Variants in TCF12 observed in about 807,000 individuals in gnomAD.
TCF12 encodes the protein transcription factor 12.
TCF12 carries 45 observed loss-of-function variants against 86.0 expected under a neutral mutation model. That is an observed-to-expected ratio of 0.52 (90% CI 0.41 to 0.67). The LOEUF is 0.67. Ranked by LOEUF, TCF12 falls within the 30% of genes least tolerant of loss-of-function variation. TCF12 has a pLI of 0.00. For missense variants in TCF12, 881 were observed against 859.9 expected (o/e 1.02, Z -0.31); for synonymous variants, 330 against 299.6 (o/e 1.10, Z -1.05).
chr15:56,956,974 G>A (rs2061528043), intron 3 of TCF12, among the ~76,000 whole-genome samples: 1 of 152,164 alleles, frequency 6.6e-6, no homozygotes, highest in Non-Finnish European at 1.5e-5. Context: ...ATGTTGAAAG[G>A]TGTGATGTTT....
chr15:56,937,106 A>T (rs1484699772), intron 3 of TCF12, among the ~76,000 whole-genome samples: 2 of 152,084 alleles, frequency 1.3e-5, no homozygotes, highest in East Asian at 3.8e-4. Flanking sequence ...TTCATCTGTG[A>T]GCATGGGTTG....
chr15:57,209,905 C>T (rs533580196), intron 8 of TCF12, among the ~76,000 whole-genome samples: 2 of 152,278 alleles, frequency 1.3e-5, no homozygotes, highest in Admixed American at 1.3e-4. Flanking sequence ...ACCTCAGGGC[C>T]TTTGCATTTG....
At chr15:57,228,451 C>T (rs1242861677) in intron 8 of TCF12, among the ~76,000 whole-genome samples, 1 of 151,798 alleles carries the variant, frequency 6.6e-6, no homozygotes, top group Non-Finnish European at 1.5e-5. Context: ...TAAGGTCTGT[C>T]CTTTAAAAGT....
chr15:57,094,871 A>G (rs887016664), intron 5 of TCF12, among the ~76,000 whole-genome samples: 4 of 152,206 alleles, frequency 2.6e-5, no homozygotes, highest in Admixed American at 6.5e-5. Context: ...GAAACAGTGG[A>G]TTATAAAGCA....
At chr15:57,050,863 A>T (rs1216367417) in intron 3 of TCF12, among the ~76,000 whole-genome samples, 2 of 152,028 alleles carry the variant, frequency 1.3e-5, no homozygotes, top group African/African-American at 4.8e-5. Context: ...TTCTTTTTTT[A>T]AATGGTTTTC....
intron 3 of TCF12, among the ~76,000 whole-genome samples, chr15:57,056,119 GTGTGT>G (rs2068005606): frequency 6.9e-5 from 4 of 57,676 alleles, no homozygotes; most frequent in South Asian, 1.4e-3. Flanking sequence ...TTTTAGGGGT[GTGTGT>G]GTGTGTGTGT....
chr15:57,276,270 A>G (rs2152111941), intron 19 of TCF12, among the ~76,000 whole-genome samples: 1 of 152,306 alleles, frequency 6.6e-6, no homozygotes, highest in Admixed American at 6.5e-5. Flanking sequence ...CTTTCCTCAA[A>G]CATTTCCAAA....
intron 5 of TCF12, among the ~76,000 whole-genome samples, chr15:57,156,351 A>G (rs1000357283): frequency 6.6e-6 from 1 of 152,200 alleles, no homozygotes. Flanking sequence ...GGTAAAAAAA[A>G]CTGAGGTCTA....
chr15:56,951,202 T>G (rs1241127629), intron 3 of TCF12, among the ~76,000 whole-genome samples: 1 of 152,212 alleles, frequency 6.6e-6, no homozygotes, highest in Non-Finnish European at 1.5e-5. Flanking sequence ...ATATACTTTC[T>G]AATGGTTTGT....
intron 5 of TCF12, among the ~76,000 whole-genome samples, chr15:57,121,202 C>A (rs1182250909): frequency 1.3e-5 from 2 of 152,138 alleles, no homozygotes; most frequent in African/African-American, 4.8e-5. Flanking sequence ...GAGGTTCTTT[C>A]GCTAGTCTAG....
intron 5 of TCF12, among the ~76,000 whole-genome samples, chr15:57,143,520 A>G (rs1176544130): frequency 6.6e-6 from 1 of 152,236 alleles, no homozygotes; most frequent in Admixed American, 6.5e-5. Flanking sequence ...GGAAATCTCA[A>G]TGTCAGAATA....
chr15:57,024,216 C>CTTTTTTTTTTTTTTTTTTTTTTTTTTTTT (rs59793819), intron 3 of TCF12, among the ~76,000 whole-genome samples: 1 of 111,300 alleles, frequency 9.0e-6, no homozygotes, highest in African/African-American at 3.1e-5. Context: ...AAAAAAGTGT[C>CTTTTTTTTTTTTTTTTTTTTTTTTTTTTT]TTTTTTTTTT....
At chr15:57,159,856 C>T (rs759422431) in intron 5 of TCF12, among the ~76,000 whole-genome samples, 4 of 152,192 alleles carry the variant, frequency 2.6e-5, no homozygotes, top group Non-Finnish European at 4.4e-5. Context: ...CTATTTTGTA[C>T]TGTTGTGAAG....
intron 3 of TCF12, among the ~76,000 whole-genome samples, chr15:57,048,410 C>T (rs189195248): frequency 1.3e-5 from 2 of 152,158 alleles, no homozygotes; most frequent in African/African-American, 2.4e-5. Flanking sequence ...TACAGGCACC[C>T]GCCACCACGC....
intron 19 of TCF12, among the ~76,000 whole-genome samples, chr15:57,273,546 G>T (rs2061244605): frequency 6.6e-6 from 1 of 151,974 alleles, no homozygotes. Context: ...GTGTCTCTTT[G>T]CTCTGGTTGC....
At chr15:57,012,548 T>C (rs866972667) in intron 3 of TCF12, among the ~76,000 whole-genome samples, 2 of 152,176 alleles carry the variant, frequency 1.3e-5, no homozygotes, top group Non-Finnish European at 2.9e-5. Flanking sequence ...AGATAGAGTT[T>C]AGTGTGCAGG....
intron 8 of TCF12, among the ~76,000 whole-genome samples, chr15:57,230,032 T>C (rs564790520): frequency 6.6e-5 from 10 of 151,934 alleles, no homozygotes; most frequent in Non-Finnish European, 1.5e-4. Flanking sequence ...TCAAATTATG[T>C]AGAAGAACAT....
intron 8 of TCF12, among the ~76,000 whole-genome samples, chr15:57,207,078 A>G (rs930258262): frequency 6.6e-6 from 1 of 151,932 alleles, no homozygotes; most frequent in Non-Finnish European, 1.5e-5. Context: ...CTACACTCCA[A>G]CCTGGGTAAC....
intron 5 of TCF12, among the ~76,000 whole-genome samples, chr15:57,163,576 A>G (rs1480832695): frequency 6.6e-6 from 1 of 151,844 alleles, no homozygotes. Flanking sequence ...GTTGGCAAAC[A>G]CCTATGGTTC....
Sources: gnomAD v4.1 joint callset for allele counts (sites outside exome capture counted in the v4.1 genomes callset) on GRCh38, gnomAD v4.1.1 for gene constraint, MANE v1.5 for transcripts, NCBI Gene and HGNC (gene_info 2026-07-23, HGNC 2026-07-21) for gene names.